STXBP5: variants seen among roughly 807,000 people sequenced by gnomAD.
STXBP5 encodes the protein syntaxin binding protein 5.
A neutral mutation model predicts 152.4 loss-of-function variants in STXBP5; 50 were observed. That is an observed-to-expected ratio of 0.33 (90% CI 0.26 to 0.42). The LOEUF (loss-of-function observed/expected upper bound fraction) is 0.42. Among genes scored for constraint, STXBP5 ranks in the 10% least tolerant of loss-of-function variants. The pLI is 1.00. For missense variants in STXBP5, 1,167 were observed against 1,388.6 expected (o/e 0.84, Z 2.54); for synonymous variants, 492 against 494.7 (o/e 0.99, Z 0.07).
rs79976154 is a variant in STXBP5 at position 147,345,928 on chromosome 6, T to C, written c.2254+6544T>C. Among the ~76,000 whole-genome samples, 659 of 152,288 alleles carry C rather than the reference T, an allele frequency of 4.3e-3. 14 individuals carry two copies. The highest frequency in any genetic ancestry group is 0.034 in the Admixed American group (522 of 15,308). On this transcript the variant is annotated intron_variant, in intron 21 of 27. Transcript: ENST00000321680. ...TTACTGTTTATACAACCAGACAGTT[T>C]GATGTCCTTATTCAGGTTTATAAGA...
chr6:147,315,787 T>A, intron 15 of STXBP5, 52 bp downstream of exon 15: 1 of 1,540,960 alleles, frequency 6.5e-7, no homozygotes, highest in Non-Finnish European at 8.9e-7. Flanking sequence ...TCCACATTTT[T>A]AAATTTGTGG....
intron 16 of STXBP5, among the ~76,000 whole-genome samples, chr6:147,316,768 G>GCTTT (rs1554297507): frequency 1.3e-5 from 2 of 151,354 alleles, no homozygotes; most frequent in Non-Finnish European, 2.9e-5. Context: ...TGAAAATTCT[G>GCTTT]TTTAAGTCTT....
At chr6:147,210,867 G>A (rs796642773) in intron 2 of STXBP5, among the ~76,000 whole-genome samples, 190 of 152,170 alleles carry the variant, frequency 1.2e-3, no homozygotes, top group African/African-American at 4.4e-3. Context: ...GTTTTTCTGT[G>A]GCTTTAATTT....
chr6:147,269,472 T>C (rs1184888632), intron 7 of STXBP5, among the ~76,000 whole-genome samples: 2 of 151,976 alleles, frequency 1.3e-5, no homozygotes, highest in Non-Finnish European at 2.9e-5. Flanking sequence ...AGCATCCAAA[T>C]AGAAATATAT....
chr6:147,212,235 A>C (rs140276898), intron 2 of STXBP5, among the ~76,000 whole-genome samples: 1 of 152,338 alleles, frequency 6.6e-6, no homozygotes, highest in African/African-American at 2.4e-5. Flanking sequence ...GGAATTGAAA[A>C]GAATATGTTA....
At chr6:147,215,556 T>C (rs1271800685) in intron 2 of STXBP5, among the ~76,000 whole-genome samples, 4 of 152,030 alleles carry the variant, frequency 2.6e-5, no homozygotes, top group African/African-American at 9.7e-5. Flanking sequence ...AATTTTTGTA[T>C]TTTTTTGTAG....
intron 2 of STXBP5, among the ~76,000 whole-genome samples, chr6:147,223,420 A>T (rs188785958): frequency 6.6e-6 from 1 of 152,204 alleles, no homozygotes; most frequent in East Asian, 1.9e-4. Context: ...TTTAGATGAG[A>T]GTAGAAAATT....
intron 22 of STXBP5, among the ~76,000 whole-genome samples, chr6:147,354,969 T>C (rs1784751826): frequency 6.6e-6 from 1 of 152,164 alleles, no homozygotes; most frequent in Non-Finnish European, 1.5e-5. Flanking sequence ...TCCAACTATA[T>C]TGATAGGTTC....
intron 18 of STXBP5, among the ~76,000 whole-genome samples, chr6:147,329,781 G>T (rs1372949223): frequency 6.6e-6 from 1 of 151,590 alleles, no homozygotes; most frequent in Non-Finnish European, 1.5e-5. Context: ...GCCCGCTACC[G>T]CACCCGGCTA....
rs1785592074 is a variant in STXBP5 at position 147,372,406 on chromosome 6, CCTTTTTTTTTTTTTTTTTTTTTTTTTTT to C, written c.3082-1324_3082-1297del. Among the ~76,000 whole-genome samples the C allele has an allele frequency of 1.2e-3, 47 of 39,104 alleles. 3 individuals carry two copies. The highest frequency in any genetic ancestry group is 5.4e-3 in the East Asian group (5 of 918). 25.7% of individuals were successfully genotyped at this position (39,104 alleles called of 152,430 possible). ...ATATAAATGTTACTACCGTCCTTTTCCTTTTTTTTTTTTTTTTTTTTTTTTTTTTTTTTTTTTTTTTTTTTTTTTTTTG... is the reference window on the plus strand; with the variant it reads ...ATATAAATGTTACTACCGTCCTTTTCTTTTTTTTTTTTTTTTTTTTTTTTG... On this transcript the variant is annotated intron_variant, in intron 25 of 27. Transcript: ENST00000321680.
At position 147,359,264 on chromosome 6, in the gene STXBP5, T is replaced by G; in HGVS notation, c.2486T>G (p.Leu829Arg). The G allele has an allele frequency of 6.2e-7, 1 of 1,614,068 alleles. No individual in the cohort carries two copies. Among genetic ancestry groups the G allele is most frequent in the Non-Finnish European group, 8.5e-7 (1 of 1,179,940 alleles). Residue 829 changes from leucine (L) to arginine (R), a missense_variant, in exon 23 of 28, where the codon CTG becomes CGG. By Grantham distance (102) the Leu-to-Arg change is moderately radical. Coordinates refer to ENST00000321680, the MANE Select transcript of STXBP5 (RefSeq NM_001127715.4). ...TTLGTVLVIA[L>R]NLPPGGEQRL... ...CTAGGAACAGTGCTTGTCATTGCAC[T>G]GAACCTTCCCCCAGGGGGAGAGCAA...
intron 18 of STXBP5, chr6:147,328,886 T>TAAATCTAA: frequency 2.6e-6 from 1 of 382,772 alleles, no homozygotes; most frequent in Non-Finnish European, 5.2e-6. Context: ...TCTAAAACAC[T>TAAATCTAA]GTACTCATTA....
chr6:147,380,817 C>A (rs2128422801), intron 26 of STXBP5, among the ~76,000 whole-genome samples: 1 of 152,166 alleles, frequency 6.6e-6, no homozygotes, highest in African/African-American at 2.4e-5. Context: ...CTTAAAAACT[C>A]AATAATAGAA....
At chr6:147,258,182 G>A (rs971799889) in intron 4 of STXBP5, among the ~76,000 whole-genome samples, 2 of 152,220 alleles carry the variant, frequency 1.3e-5, no homozygotes, top group African/African-American at 4.8e-5. Flanking sequence ...TAGAGTCAGT[G>A]TGGGAGGGGA....
At chr6:147,254,074 T>C (rs1562441150) in intron 4 of STXBP5, among the ~76,000 whole-genome samples, 1 of 152,146 alleles carries the variant, frequency 6.6e-6, no homozygotes, top group Non-Finnish European at 1.5e-5. Flanking sequence ...CAAAATAGCA[T>C]GGTACTGGTA....
chr6:147,330,949 G>A (rs778319905), intron 18 of STXBP5, among the ~76,000 whole-genome samples: 1 of 152,182 alleles, frequency 6.6e-6, no homozygotes, highest in Non-Finnish European at 1.5e-5. Flanking sequence ...CTTTTGTGCT[G>A]CAACAGAACA....
Position 147,386,093 on chromosome 6 carries a change from G to T in STXBP5, c.*1338G>T, listed in dbSNP as rs1007458281. ...ATTGTTTCATAGAATAGCATTACGG[G>T]CAGGAAAGAAACCACCTAGTAGATC... On this transcript the variant is annotated 3_prime_UTR_variant, in exon 28 of 28. Coordinates refer to ENST00000321680, the MANE Select transcript of STXBP5 (RefSeq NM_001127715.4). The T allele has an allele frequency of 6.6e-5, 10 of 151,952 alleles. No individual in the cohort carries two copies. The highest frequency in any genetic ancestry group is 2.2e-4 in the African/African-American group (9 of 41,406). 9.4% of individuals were successfully genotyped at this position (151,952 alleles called of 1,614,324 possible).
intron 9 of STXBP5, among the ~76,000 whole-genome samples, chr6:147,309,567 GA>G (rs1782263542): frequency 6.6e-6 from 1 of 152,156 alleles, no homozygotes. Context: ...TATGGTTTGA[GA>G]ATGCATCAGC....
intron 4 of STXBP5, among the ~76,000 whole-genome samples, chr6:147,245,209 TG>T (rs1411918836): frequency 3.9e-5 from 6 of 151,952 alleles, no homozygotes; most frequent in African/African-American, 1.2e-4. Flanking sequence ...TCTTGGGTAC[TG>T]GGGGGTTAGG....
Sources: gnomAD v4.1 joint callset for allele counts (sites outside exome capture counted in the v4.1 genomes callset) on GRCh38, gnomAD v4.1.1 for gene constraint, MANE v1.5 for transcripts, NCBI Gene and HGNC (gene_info 2026-07-23, HGNC 2026-07-21) for gene names.